XNDC1N: variants seen among roughly 807,000 people sequenced by gnomAD.
XNDC1N encodes protein XNDC1N.
chr11:71,901,338 C>T, the XNDC1N span, among the ~76,000 whole-genome samples: 1 of 152,148 alleles, frequency 6.6e-6, no homozygotes, highest in Non-Finnish European at 1.5e-5. Flanking sequence ...GTGGCTCACG[C>T]CTGTAATCCC....
At chr11:71,900,885 G>A in the XNDC1N span, among the ~76,000 whole-genome samples, 144 of 152,232 alleles carry the variant, frequency 9.5e-4, no homozygotes, top group African/African-American at 3.3e-3. Flanking sequence ...GGTCAAAAAG[G>A]GTGAAGTCCA....
the XNDC1N span, among the ~76,000 whole-genome samples, chr11:71,867,324 A>G: frequency 1.3e-5 from 2 of 152,216 alleles, no homozygotes; most frequent in Non-Finnish European, 2.9e-5. Context: ...CCATCCATGG[A>G]TAAAATGTCT....
chr11:71,905,865 A>C, the XNDC1N span, among the ~76,000 whole-genome samples: 6 of 152,100 alleles, frequency 3.9e-5, no homozygotes, highest in South Asian at 4.1e-4. Flanking sequence ...GGTGTAGCCC[A>C]TGTATGTACA....
chr11:71,886,165 T>C, the XNDC1N span, among the ~76,000 whole-genome samples: 10 of 151,998 alleles, frequency 6.6e-5, no homozygotes, highest in Non-Finnish European at 1.5e-4. Flanking sequence ...GCCCTTCACC[T>C]GCGTCAATCT....
chr11:71,896,641 G>A, the XNDC1N span, among the ~76,000 whole-genome samples: 8 of 152,178 alleles, frequency 5.3e-5, no homozygotes, highest in African/African-American at 1.4e-4. Context: ...TTGGCTCACC[G>A]CAACCTCTGC....
At chr11:71,919,860 G>A in the XNDC1N span, among the ~76,000 whole-genome samples, 4 of 132,894 alleles carry the variant, frequency 3.0e-5, no homozygotes, top group East Asian at 4.8e-4. Context: ...CTCGTGATCC[G>A]CCCGCCTCGG....
the XNDC1N span, among the ~76,000 whole-genome samples, chr11:71,901,032 T>G: frequency 5.9e-5 from 9 of 152,266 alleles, no homozygotes; most frequent in South Asian, 1.2e-3. Context: ...GGGTTCCTTG[T>G]AGAACACAGC....
At chr11:71,907,156 A>G in the XNDC1N span, among the ~76,000 whole-genome samples, 2 of 151,954 alleles carry the variant, frequency 1.3e-5, no homozygotes, top group African/African-American at 4.8e-5. Context: ...TTCACGTTTC[A>G]CCACATTATC....
At chr11:71,906,094 T>C in the XNDC1N span, among the ~76,000 whole-genome samples, 4 of 151,974 alleles carry the variant, frequency 2.6e-5, no homozygotes, top group South Asian at 8.3e-4. Context: ...AGTACCCAGC[T>C]AGCATATTTT....
the XNDC1N span, chr11:71,878,408 C>T: frequency 1.2e-6 from 2 of 1,605,012 alleles, no homozygotes; most frequent in Admixed American, 3.4e-5. Flanking sequence ...AAGTCCTCTT[C>T]ATCTCAACTA....
At chr11:71,876,882 G>A in the XNDC1N span, among the ~76,000 whole-genome samples, 1 of 152,232 alleles carries the variant, frequency 6.6e-6, no homozygotes, top group Non-Finnish European at 1.5e-5. Context: ...TCAGTAAATG[G>A]AGCAGTCAGC....
At chr11:71,896,518 G>C in the XNDC1N span, among the ~76,000 whole-genome samples, 1 of 152,218 alleles carries the variant, frequency 6.6e-6, no homozygotes, top group African/African-American at 2.4e-5. Flanking sequence ...TTCTCATTAT[G>C]CTGGTTTTTA....
chr11:71,869,099 T>A, the XNDC1N span, among the ~76,000 whole-genome samples: 1 of 152,158 alleles, frequency 6.6e-6, no homozygotes, highest in African/African-American at 2.4e-5. Context: ...ATGTGCACAA[T>A]GCGCAGGTTT....
At chr11:71,921,312 C>T in the XNDC1N span, among the ~76,000 whole-genome samples, 1 of 152,108 alleles carries the variant, frequency 6.6e-6, no homozygotes, top group Non-Finnish European at 1.5e-5. Context: ...GCCACCACAC[C>T]CAACTAACTT....
the XNDC1N span, among the ~76,000 whole-genome samples, chr11:71,897,578 A>G: frequency 1.3e-5 from 2 of 152,250 alleles, no homozygotes; most frequent in South Asian, 4.1e-4. Context: ...TGGTGAGACT[A>G]GAGAGAAGTA....
chr11:71,882,074 T>C, the XNDC1N span, among the ~76,000 whole-genome samples: 1 of 151,342 alleles, frequency 6.6e-6, no homozygotes, highest in African/African-American at 2.4e-5. Context: ...CTGCCAAAAA[T>C]CAAAGACGAA....
the XNDC1N span, chr11:71,917,463 A>C: frequency 1.5e-6 from 1 of 657,376 alleles, no homozygotes. Context: ...CAAGCACACC[A>C]TTCCTTAACC....
chr11:71,905,910 A>G, the XNDC1N span, among the ~76,000 whole-genome samples: 2 of 152,044 alleles, frequency 1.3e-5, no homozygotes, highest in Non-Finnish European at 2.9e-5. Flanking sequence ...TCTCTCTATC[A>G]GATTGCAAAT....
chr11:71,915,431 G>A, the XNDC1N span, among the ~76,000 whole-genome samples: 7 of 150,594 alleles, frequency 4.6e-5, no homozygotes, highest in East Asian at 1.4e-3. Flanking sequence ...CTGGGCAACA[G>A]TGCGAGACTC....
Sources: gnomAD v4.1 joint callset for allele counts (sites outside exome capture counted in the v4.1 genomes callset) on GRCh38, gnomAD v4.1.1 for gene constraint, MANE v1.5 for transcripts, NCBI Gene and HGNC (gene_info 2026-07-23, HGNC 2026-07-21) for gene names.